FAM171B: variants seen among roughly 807,000 people sequenced by gnomAD.
FAM171B encodes family with sequence similarity 171 member B, also known as protein FAM171B.
A neutral mutation model predicts 75.6 loss-of-function variants in FAM171B; 19 were observed. The observed-to-expected ratio is 0.25, with a 90% CI of 0.18 to 0.37. The LOEUF (loss-of-function observed/expected upper bound fraction) is 0.37. Ranked by LOEUF, FAM171B falls within the 10% of genes least tolerant of loss-of-function variation. The pLI, the probability that FAM171B is intolerant of heterozygous loss-of-function variation, is 1.00. For missense variants in FAM171B, 848 were observed against 982.4 expected, an observed-to-expected ratio of 0.86 and a Z score of 1.83; for synonymous variants, 367 against 361.7, an observed-to-expected ratio of 1.01 and a Z score of -0.17.
chr2:186,762,177 G>A lies in FAM171B; in HGVS notation c.1835G>A (p.Ser612Asn). ...GATATCATACTTGAAGGTCAACAGA[G>A]CCTGCCATCCCAGGCTTCAGATTGG... ...EEDIILEGQQ[S>N]LPSQASDWSR... The change falls in exon 8 of 8, where the codon AGC becomes AAC. Residue 612 changes from serine to asparagine, a missense_variant. Ser to Asn is a conservative substitution (Grantham distance 46, BLOSUM62 1). This residue lies in a region of FAM171B where 665 missense variants were observed against 729.0 expected (regional missense o/e 0.91). Transcript: ENST00000304698. This position sits in a 1 kb window ranked among gnomAD's most constrained non-coding sequence, Gnocchi z 4.0. 1.2e-6 allele frequency: 2 copies of A among 1,613,656 alleles called. No individual in the cohort carries two copies. The highest frequency in any genetic ancestry group is 2.2e-5 in the South Asian group (2 of 91,072).
At chr2:186,695,874 G>C (rs929314192) in intron 1 of FAM171B, among the ~76,000 whole-genome samples, 2 of 152,156 alleles carry the variant, frequency 1.3e-5, no homozygotes, top group African/African-American at 4.8e-5. Flanking sequence ...CATTAATAGA[G>C]ATATTTCATA....
chr2:186,700,966 G>T (rs755760320), intron 1 of FAM171B, among the ~76,000 whole-genome samples: 2 of 151,832 alleles, frequency 1.3e-5, no homozygotes, highest in Non-Finnish European at 2.9e-5. Flanking sequence ...GCCCAGACTG[G>T]AGTGTAGTGG....
intron 1 of FAM171B, among the ~76,000 whole-genome samples, chr2:186,697,039 GATGAATGA>G (rs1188971478): frequency 6.6e-6 from 1 of 151,588 alleles, no homozygotes; most frequent in Non-Finnish European, 1.5e-5. Context: ...TGGATGGATG[GATGAATGA>G]ATGAATGAAT....
rs1487561004 is a variant in FAM171B at position 186,754,106 on chromosome 2, G to A, written c.1012+57G>A. The A allele has an allele frequency of 4.6e-5, 61 of 1,313,666 alleles. 2 individuals are homozygous for A. The South Asian group carries it at 6.1e-4, about 13-fold the overall frequency. The allele number at this position is 1,313,666 out of a possible 1,614,324, so 81.4% of individuals were successfully genotyped here. The stretch of plus-strand genomic sequence containing the variant: ...GTAATTCAAATAGTCTTGCTGGAAC[G>A]GATAGCAGCAGACCTCAGTTTTATT... On this transcript the variant is annotated intron_variant, in intron 6 of 7. Transcript: ENST00000304698.
intron 6 of FAM171B, among the ~76,000 whole-genome samples, chr2:186,754,655 T>C (rs370697861): frequency 2.6e-5 from 4 of 152,150 alleles, no homozygotes; most frequent in South Asian, 4.1e-4. Flanking sequence ...TTGGTGGGGA[T>C]TGAGGAGGAG....
intron 1 of FAM171B, among the ~76,000 whole-genome samples, chr2:186,733,195 T>G (rs1339448074): frequency 6.6e-6 from 1 of 152,210 alleles, no homozygotes; most frequent in Non-Finnish European, 1.5e-5. Flanking sequence ...ATCAATAAAA[T>G]GGATTTGATG....
chr2:186,716,065 T>C (rs1237258422), intron 1 of FAM171B, among the ~76,000 whole-genome samples: 3 of 152,196 alleles, frequency 2.0e-5, no homozygotes, highest in African/African-American at 7.2e-5. Flanking sequence ...AGTCTCGATC[T>C]GTCTCTCAGG....
Position 186,761,529 on chromosome 2 carries a change from A to C in FAM171B, c.1187A>C (p.Glu396Ala), listed in dbSNP as rs754790832. Residue 396 changes from glutamate to alanine, a missense_variant, in exon 8 of 8, where the codon GAG (glutamate) becomes GCG (alanine). Transcript: ENST00000304698. ...AGAGAAAGAAATATCACTAAACTTG[A>C]GGTCCTCAAGAGAGACCAGACAACT... is the stretch of plus-strand genomic sequence containing the variant. ...QKRERNITKL[E>A]VLKRDQTTST... 6.3e-7 allele frequency: 1 copy of C among 1,594,770 alleles called. No individual in the cohort carries two copies. Among genetic ancestry groups the C allele is most frequent in the South Asian group, 1.2e-5 (1 of 86,284 alleles).
Position 186,747,189 on chromosome 2 carries a change from A to G in FAM171B, c.663A>G (p.Leu221=). The change falls in exon 4 of 8, where the codon CTA becomes CTG. Residue 221 remains leucine (L), a synonymous_variant. Coordinates refer to ENST00000304698, the MANE Select transcript of FAM171B (RefSeq NM_177454.4). ...ACGTTACTGGCTATCTTACAGTTCT[A>G]CAACAGTTTTTGAAAGTGGACAATT... ...ISNVTGYLTV[L]QQFLKVDNFL... 6.2e-7 allele frequency: 1 copy of G among 1,606,606 alleles called. No homozygotes were observed. Among genetic ancestry groups the G allele is most frequent in the Non-Finnish European group, 8.5e-7 (1 of 1,177,242 alleles).
At chr2:186,740,579 A>G in intron 2 of FAM171B, 118 bp downstream of exon 2, 1 of 865,112 alleles carries the variant, frequency 1.2e-6, no homozygotes, top group Non-Finnish European at 1.8e-6. Flanking sequence ...AAGTCAACAT[A>G]AGGAGGTTAC....
chr2:186,699,694 G>A (rs533751883), intron 1 of FAM171B, among the ~76,000 whole-genome samples: 1 of 152,218 alleles, frequency 6.6e-6, no homozygotes, highest in Non-Finnish European at 1.5e-5. Context: ...ATAAATCTTT[G>A]TGCAGACCAA....
chr2:186,694,978 G>T (rs1324281478), intron 1 of FAM171B, among the ~76,000 whole-genome samples: 2 of 152,064 alleles, frequency 1.3e-5, no homozygotes, highest in African/African-American at 4.8e-5. Flanking sequence ...CTTTACCCCA[G>T]GAAGGGTTTA....
intron 1 of FAM171B, among the ~76,000 whole-genome samples, chr2:186,733,103 T>C (rs1690142652): frequency 6.6e-6 from 1 of 152,226 alleles, no homozygotes; most frequent in Non-Finnish European, 1.5e-5. Context: ...ACAGTGCGTG[T>C]ATTTGAAGGC....
chr2:186,714,021 G>A (rs753183375), intron 1 of FAM171B, among the ~76,000 whole-genome samples: 15 of 152,112 alleles, frequency 9.9e-5, no homozygotes, highest in Non-Finnish European at 8.8e-5. Flanking sequence ...CGAAAAACAA[G>A]AATATTTTAC....
intron 2 of FAM171B, among the ~76,000 whole-genome samples, chr2:186,741,713 A>G (rs1310525362): frequency 1.3e-5 from 2 of 152,174 alleles, no homozygotes; most frequent in Admixed American, 1.3e-4. Flanking sequence ...TTCTTGGTAG[A>G]AGTACAAACT....
intron 6 of FAM171B, among the ~76,000 whole-genome samples, chr2:186,754,764 C>G (rs1690507567): frequency 6.6e-6 from 1 of 152,256 alleles, no homozygotes; most frequent in Non-Finnish European, 1.5e-5. Flanking sequence ...AGGCTGTATG[C>G]AACCTAAGAC....
At chr2:186,711,331 G>T (rs541045604) in intron 1 of FAM171B, among the ~76,000 whole-genome samples, 74 of 152,278 alleles carry the variant, frequency 4.9e-4, no homozygotes, top group African/African-American at 1.7e-3. Context: ...GGTCAACTCT[G>T]CTCTTTGGCT....
At chr2:186,702,187 G>T (rs912044028) in intron 1 of FAM171B, among the ~76,000 whole-genome samples, 1 of 152,138 alleles carries the variant, frequency 6.6e-6, no homozygotes, top group African/African-American at 2.4e-5. Flanking sequence ...AAGCCTAAAT[G>T]GTACAGCTGA....
At chr2:186,740,122 A>G in intron 1 of FAM171B, 106 bp from the exon 2 acceptor site, 1 of 726,696 alleles carries the variant, frequency 1.4e-6, no homozygotes, top group Non-Finnish European at 2.3e-6. Context: ...CCTAAGTTTA[A>G]CAACAGTTTT....
Sources: allele counts gnomAD v4.1 joint callset (sites outside exome capture counted in the v4.1 genomes callset), GRCh38; gene constraint gnomAD v4.1.1; regional missense constraint gnomAD v4.1.1; non-coding constraint Gnocchi (gnomAD v3.1); transcripts MANE v1.5; gene names NCBI Gene and HGNC (gene_info 2026-07-23, HGNC 2026-07-21).